Variants in CLDN14 observed in about 807,000 individuals in gnomAD.
The protein encoded by CLDN14 is claudin 14, also known as claudin-14.
Under a neutral mutation model 2.1 loss-of-function variants are expected in CLDN14, and 2 were observed. The observed-to-expected ratio is 0.96, with a 90% confidence interval of 0.39 to 3.01. CLDN14 has a LOEUF of 3.01. Among genes scored for constraint, CLDN14 ranks in the 30% most tolerant of loss-of-function variants. The pLI, the probability that CLDN14 is intolerant of heterozygous loss-of-function variation, is 0.09. For missense variants in CLDN14, 298 were observed against 328.0 expected (o/e 0.91, Z 0.71); for synonymous variants, 136 against 154.4 (o/e 0.88, Z 0.88).
intron 2 of CLDN14, among the ~76,000 whole-genome samples, chr21:36,489,193 GGAGAGAGAGAGAGAAAGAGA>G (rs55876435): frequency 0.084 from 11,794 of 139,982 alleles, 825 homozygotes; most frequent in East Asian, 0.29. Flanking sequence ...ATGGGGGGCG[GGAGAGAGAGAGAGAAAGAGA>G]GAGAGAGAGA....
intron 1 of CLDN14, among the ~76,000 whole-genome samples, chr21:36,558,990 C>G (rs1267470695): frequency 2.0e-5 from 3 of 152,068 alleles, no homozygotes; most frequent in Non-Finnish European, 2.9e-5. Flanking sequence ...CTTTGCCTTA[C>G]TGCTCTTACA....
At chr21:36,485,890 C>T (rs1568853415) in intron 2 of CLDN14, 1 of 619,878 alleles carries the variant, frequency 1.6e-6, no homozygotes, top group Non-Finnish European at 2.7e-6. Flanking sequence ...TTTATTTAGG[C>T]TGTAATGGTT....
intron 2 of CLDN14, among the ~76,000 whole-genome samples, chr21:36,503,092 C>T (rs1007641048): frequency 6.6e-5 from 10 of 152,256 alleles, no homozygotes; most frequent in South Asian, 2.1e-4. Flanking sequence ...CTCACTCTTT[C>T]GCCCAGGCTG....
chr21:36,471,520 G>A lies in CLDN14; in HGVS notation c.-82+7975C>T, dbSNP rs1490628706. Among the ~76,000 whole-genome samples the A allele has an allele frequency of 2.6e-5, 4 of 152,164 alleles. No individual in the cohort carries two copies. In the East Asian group the frequency reaches 7.7e-4, roughly 29 times the overall value. Reference sequence around the variant, plus strand: ...TTGGTGACTGACCTTTTCAGGCTGGGTGTCTGGTTTTCTTAAGTCAACATG... The same window carrying A: ...TTGGTGACTGACCTTTTCAGGCTGGATGTCTGGTTTTCTTAAGTCAACATG... On this transcript the variant is annotated intron_variant, in intron 1 of 1. Coordinates refer to ENST00000399135, the MANE Select transcript of CLDN14 (RefSeq NM_001146079.2).
In CLDN14 at chr21:36,575,394, A is replaced by G. The variant is rs979936736; in HGVS notation, c.-220+1017T>C. On this transcript the variant is annotated intron_variant, in intron 1 of 2. Transcript: ENST00000342108. ...CTCCACAATTCTCCTAAGAGGTAGG[A>G]CCATCATTATTCCCATTTTACAGAT... 2.0e-5 allele frequency among the ~76,000 whole-genome samples: 3 copies of G among 152,338 alleles called. No individual in the cohort carries two copies. The East Asian group carries it at 5.8e-4, about 29-fold the overall frequency.
At chr21:36,559,128 C>T (rs1482668168) in intron 1 of CLDN14, among the ~76,000 whole-genome samples, 1 of 151,816 alleles carries the variant, frequency 6.6e-6, no homozygotes, top group African/African-American at 2.4e-5. Context: ...TCATATATGG[C>T]CTTTATGTTT....
intron 1 of CLDN14, among the ~76,000 whole-genome samples, chr21:36,566,250 G>A (rs1006926665): frequency 4.6e-5 from 7 of 152,130 alleles, no homozygotes; most frequent in African/African-American, 1.2e-4. Flanking sequence ...TGATAACAAG[G>A]CATATTTTAT....
At chr21:36,553,908 G>C (rs2087580092) in intron 1 of CLDN14, among the ~76,000 whole-genome samples, 1 of 152,156 alleles carries the variant, frequency 6.6e-6, no homozygotes, top group Non-Finnish European at 1.5e-5. Flanking sequence ...ACCGCCCTGA[G>C]AATGTTGATG....
rs190582023 is a variant in CLDN14, at chr21:36,466,160, C to T, written c.-81-4384G>A. ...ACTCTCCCAGGAAATGTCTCATGGG[C>T]AGCATCCGCTAAACTTATTTGACTA... On this transcript the variant is annotated intron_variant, in intron 1 of 1. Transcript: ENST00000399135. 1.4e-3 allele frequency among the ~76,000 whole-genome samples: 212 copies of T among 152,322 alleles called. 3 individuals are homozygous for T. The highest frequency in any genetic ancestry group is 4.6e-3 in the African/African-American group (192 of 41,580).
At chr21:36,540,075 T>C (rs2087475114) in intron 1 of CLDN14, among the ~76,000 whole-genome samples, 1 of 149,770 alleles carries the variant, frequency 6.7e-6, no homozygotes, top group South Asian at 2.1e-4. Flanking sequence ...GTGGAGTGAG[T>C]GTGTGTTGTG....
At position 36,461,515 on chromosome 21, in the gene CLDN14, T is replaced by C; in HGVS notation, c.181A>G (p.Ile61Val). ...GATCGGTAGATCTGGCACTGGTAGA[T>C]GCCTGTGCTGTGCCACACACACTCC... is the stretch of plus-strand genomic sequence containing the variant. The part of the protein sequence containing the change: ...WMECVWHSTG[I>V]YQCQIYRSLL... Residue 61 changes from isoleucine to valine, a missense_variant, in exon 2 of 2, where the codon ATC (isoleucine) becomes GTC (valine). Ile to Val is a conservative substitution (Grantham distance 29, BLOSUM62 3). Transcript: ENST00000399135. 2.5e-6 allele frequency: 4 copies of C among 1,613,408 alleles called. No homozygotes were observed. Among genetic ancestry groups the C allele is most frequent in the Non-Finnish European group, 3.4e-6 (4 of 1,180,004 alleles).
chr21:36,512,490 A>G (rs1441163511), intron 1 of CLDN14, among the ~76,000 whole-genome samples: 1 of 152,188 alleles, frequency 6.6e-6, no homozygotes, highest in African/African-American at 2.4e-5. Context: ...ACTTGGGGAG[A>G]TAAGGCACAT....
chr21:36,528,784 C>T (rs2087355588), intron 1 of CLDN14, among the ~76,000 whole-genome samples: 1 of 152,226 alleles, frequency 6.6e-6, no homozygotes, highest in Non-Finnish European at 1.5e-5. Context: ...CTTGAAGCTG[C>T]AGAAAATTCT....
At chr21:36,487,951 A>C (rs2086914269) in intron 2 of CLDN14, among the ~76,000 whole-genome samples, 1 of 152,190 alleles carries the variant, frequency 6.6e-6, no homozygotes, top group Non-Finnish European at 1.5e-5. Context: ...TGTCTCTTAA[A>C]ATATAAAGAG....
chr21:36,537,651 C>CTTT (rs371651908), intron 1 of CLDN14, among the ~76,000 whole-genome samples: 2,942 of 143,446 alleles, frequency 0.021, 199 homozygotes, highest in Middle Eastern at 0.037. Flanking sequence ...TTTTTCTTTT[C>CTTT]TTTTCTTTTT....
At position 36,558,072 on chromosome 21, in the gene CLDN14, G is replaced by T. The variant is rs186260079; in HGVS notation, c.-220+18339C>A. ...GTGTACCGGTATTACTGTCACCCTT[G>T]TCAAAAATCAGTTGATTGTATATCT... is the stretch of plus-strand genomic sequence containing the variant. On this transcript the variant is annotated intron_variant, in intron 1 of 2. Coordinates refer to the CLDN14 transcript ENST00000342108. Among the ~76,000 whole-genome samples the T allele has an allele frequency of 2.0e-4, 31 of 152,244 alleles. No individual in the cohort carries two copies. In the East Asian group the frequency reaches 6.0e-3, roughly 29 times the overall value.
intron 1 of CLDN14, among the ~76,000 whole-genome samples, chr21:36,560,223 G>GT (rs34426860): frequency 5.5e-4 from 79 of 143,678 alleles, no homozygotes; most frequent in South Asian, 2.7e-3. Flanking sequence ...TTGTTGAGAG[G>GT]TTTTTTTTTT....
At chr21:36,466,446 A>G (rs1028401617) in intron 1 of CLDN14, 2 of 152,236 alleles carry the variant, frequency 1.3e-5, no homozygotes, top group African/African-American at 4.8e-5. Flanking sequence ...TTTACATGGC[A>G]GCAGGAAGGA....
At chr21:36,475,993 TCCTATTA>T (rs1409774083) in intron 1 of CLDN14, among the ~76,000 whole-genome samples, 1 of 152,008 alleles carries the variant, frequency 6.6e-6, no homozygotes, top group Non-Finnish European at 1.5e-5. Flanking sequence ...CTTTTAAAGG[TCCTATTA>T]GGAGCTTTAA....
Sources: gnomAD v4.1 joint callset for allele counts (sites outside exome capture counted in the v4.1 genomes callset) on GRCh38, gnomAD v4.1.1 for gene constraint, MANE v1.5 for transcripts, NCBI Gene and HGNC (gene_info 2026-07-23, HGNC 2026-07-21) for gene names.